The following CATSPERE variants were observed in gnomAD, a reference collection of about 807,000 sequenced individuals.
The protein encoded by CATSPERE is catsper channel auxiliary subunit epsilon.
A neutral mutation model predicts 114.1 loss-of-function variants in CATSPERE; 93 were observed. That is an observed-to-expected ratio of 0.81 (90% CI 0.69 to 0.97). The LOEUF is 0.97. Among genes scored for constraint, CATSPERE ranks in the 50% least tolerant of loss-of-function variants. The pLI is 0.00. For synonymous variants in CATSPERE, 341 were observed against 384.1 expected (o/e 0.89, Z 1.31); for missense variants, 1,058 against 1,131.6 (o/e 0.93, Z 0.93).
At chr1:244,476,933 T>C (rs181883792) in intron 2 of CATSPERE, among the ~76,000 whole-genome samples, 5 of 152,364 alleles carry the variant, frequency 3.3e-5, no homozygotes, top group African/African-American at 1.2e-4. Context: ...TCGTCTTTGT[T>C]TTTTAATCCT....
chr1:244,524,483 C>A (rs1323583267), intron 8 of CATSPERE, among the ~76,000 whole-genome samples: 1 of 151,326 alleles, frequency 6.6e-6, no homozygotes, highest in African/African-American at 2.4e-5. Context: ...ACAAAATTGA[C>A]AAATGGGATG....
upstream of CATSPERE, among the ~76,000 whole-genome samples, chr1:244,458,942 G>T (rs984589851): frequency 6.6e-6 from 1 of 152,168 alleles, no homozygotes; most frequent in African/African-American, 2.4e-5. Context: ...CACACAGAGT[G>T]TCTGTGCAAG....
In CATSPERE at chr1:244,572,757, C is replaced by T. The variant is rs1664655846; in HGVS notation, c.1935C>T (p.Tyr645=). 1 of 1,587,162 alleles carries T rather than the reference C, an allele frequency of 6.3e-7. No individual in the cohort carries two copies. The highest frequency in any genetic ancestry group is 8.6e-7 in the Non-Finnish European group (1 of 1,168,590). The part of the protein sequence containing the change: ...HEISFEAAFG[Y]CTKTLTLTFY... ...TTTCCTTTGAAGCTGCCTTTGGATA[C>T]TGCACCAAAACTCTGGTAAGCTAAT... The change falls in exon 11 of 22, where the codon TAC becomes TAT. Residue 645 remains tyrosine, a synonymous_variant. Coordinates refer to ENST00000366534, the MANE Select transcript of CATSPERE (RefSeq NM_001130957.2).
rs370988830 is a variant in CATSPERE at position 244,607,491 on chromosome 1, G to C, written c.2403+1697G>C. ...ATCCTATGAGGGTATTGCTGGGAAAGTTTCTAAACAGGGACTACGTTTCCC... is the reference window on the plus strand; with the variant it reads ...ATCCTATGAGGGTATTGCTGGGAAACTTTCTAAACAGGGACTACGTTTCCC... On this transcript the variant is annotated intron_variant, in intron 18 of 21. Transcript: ENST00000366534. This position sits in a 1 kb window ranked among gnomAD's most constrained non-coding sequence, Gnocchi z 4.4. 6.6e-6 allele frequency among the ~76,000 whole-genome samples: 1 copy of C among 152,214 alleles called. No homozygotes were observed. The highest frequency in any genetic ancestry group is 2.4e-5 in the African/African-American group (1 of 41,448).
chr1:244,629,503 CTTTTTTTTTT>C (rs369560104), intron 20 of CATSPERE, among the ~76,000 whole-genome samples: 71 of 82,328 alleles, frequency 8.6e-4, no homozygotes, highest in African/African-American at 3.2e-3. Context: ...TCTCTCTTAC[CTTTTTTTTTT>C]TTTTTTTTTT....
At chr1:244,566,668 T>C (rs10927265) in intron 10 of CATSPERE, among the ~76,000 whole-genome samples, 1 of 77,390 alleles carries the variant, frequency 1.3e-5, no homozygotes, top group Non-Finnish European at 2.3e-5. Context: ...TTTTTTTTTT[T>C]TTTTTTTTTT....
intron 7 of CATSPERE, among the ~76,000 whole-genome samples, chr1:244,500,282 C>T (rs1311343059): frequency 1.3e-5 from 2 of 152,068 alleles, no homozygotes; most frequent in African/African-American, 4.8e-5. Flanking sequence ...AATTTTCTCC[C>T]ATTCTGTAGT....
chr1:244,517,285 T>A (rs897924594), intron 7 of CATSPERE, among the ~76,000 whole-genome samples: 3 of 152,020 alleles, frequency 2.0e-5, no homozygotes, highest in Non-Finnish European at 4.4e-5. Flanking sequence ...AATCTTCTTA[T>A]ATGTATTATT....
chr1:244,530,751 G>T (rs1359449196), intron 8 of CATSPERE, among the ~76,000 whole-genome samples: 1 of 152,018 alleles, frequency 6.6e-6, no homozygotes, highest in African/African-American at 2.4e-5. Context: ...TAATTCCTAT[G>T]TATTGAGTTT....
intron 10 of CATSPERE, among the ~76,000 whole-genome samples, chr1:244,561,409 A>G (rs1012176732): frequency 6.6e-6 from 1 of 152,198 alleles, no homozygotes. Context: ...TAAGCAATTT[A>G]TATATACATC....
chr1:244,621,137 A>ATT (rs1197332750), intron 20 of CATSPERE, among the ~76,000 whole-genome samples: 40 of 62,520 alleles, frequency 6.4e-4, no homozygotes, highest in African/African-American at 2.1e-3. Context: ...AAATATATAT[A>ATT]AAATATATAT....
At chr1:244,570,276 T>C (rs926084293) in intron 10 of CATSPERE, among the ~76,000 whole-genome samples, 1 of 152,156 alleles carries the variant, frequency 6.6e-6, no homozygotes, top group African/African-American at 2.4e-5. Flanking sequence ...CCTATAATTA[T>C]CTTCCTCATT....
rs115188510 is a variant in CATSPERE at position 244,489,154 on chromosome 1, C to A, written c.327-1293C>A. Among the ~76,000 whole-genome samples the A allele has an allele frequency of 9.2e-5, 14 of 152,156 alleles. 1 individual carries two copies. In the East Asian group the frequency reaches 2.5e-3, roughly 27 times the overall value. On this transcript the variant is annotated intron_variant, in intron 5 of 21. Coordinates refer to ENST00000366534, the MANE Select transcript of CATSPERE (RefSeq NM_001130957.2). The stretch of plus-strand genomic sequence containing the variant: ...TATTTTATAATTAAAAATAGAGACA[C>A]GTTCTTACTATGTGTCCCAGGCTGG...
rs1220532996 is a variant in CATSPERE at position 244,636,243 on chromosome 1, C to T, written c.2702+701C>T. 4.6e-5 allele frequency among the ~76,000 whole-genome samples: 7 copies of T among 152,248 alleles called. No individual in the cohort carries two copies. In the East Asian group the frequency reaches 9.6e-4, roughly 21 times the overall value. On this transcript the variant is annotated intron_variant, in intron 21 of 21. Transcript: ENST00000366534. ...GAAGTTAGGACCCCAAATGACTTTG[C>T]TACTCTGTTTTGGGCCTGGTGTTTG...
chr1:244,569,880 A>G (rs1272818361), intron 10 of CATSPERE, among the ~76,000 whole-genome samples: 2 of 152,004 alleles, frequency 1.3e-5, no homozygotes, highest in Non-Finnish European at 2.9e-5. Flanking sequence ...TACTTTTTTG[A>G]TTACTATATC....
rs112580264 is a variant in CATSPERE, at chr1:244,512,022, C to G, written c.430-6570C>G. 6.5e-3 allele frequency among the ~76,000 whole-genome samples: 983 copies of G among 152,180 alleles called. 11 individuals carry two copies. The highest frequency in any genetic ancestry group is 0.016 in the African/African-American group (676 of 41,518). On this transcript the variant is annotated intron_variant, in intron 7 of 21. Coordinates refer to ENST00000366534, the MANE Select transcript of CATSPERE (RefSeq NM_001130957.2). ...GAAATTCATGTACCTTGGAGAAAAC[C>G]TTTTTTGGGTTAAATCTATTTGGAG... is the stretch of plus-strand genomic sequence containing the variant.
At chr1:244,627,159 T>A (rs1468077549) in intron 20 of CATSPERE, among the ~76,000 whole-genome samples, 1 of 152,074 alleles carries the variant, frequency 6.6e-6, no homozygotes, top group East Asian at 1.9e-4. Flanking sequence ...AGGGGAGAGA[T>A]GCGGGATGGG....
chr1:244,498,374 G>A (rs1415116431), intron 6 of CATSPERE, among the ~76,000 whole-genome samples: 3 of 152,156 alleles, frequency 2.0e-5, no homozygotes, highest in Non-Finnish European at 2.9e-5. Flanking sequence ...ATGGGGTGCA[G>A]ATGGATTTAT....
chr1:244,519,638 C>T (rs1440541055), intron 8 of CATSPERE, among the ~76,000 whole-genome samples: 1 of 152,122 alleles, frequency 6.6e-6, no homozygotes, highest in Non-Finnish European at 1.5e-5. Flanking sequence ...GGGATGGCGT[C>T]CTGTCCAGGG....
Sources: gnomAD v4.1 joint callset for allele counts (sites outside exome capture counted in the v4.1 genomes callset) on GRCh38, gnomAD v4.1.1 for gene constraint, Gnocchi (gnomAD v3.1) non-coding constraint, MANE v1.5 for transcripts, NCBI Gene and HGNC (gene_info 2026-07-23, HGNC 2026-07-21) for gene names.